TBL1X: variants seen among roughly 807,000 people sequenced by gnomAD.
TBL1X encodes F-box-like/WD repeat-containing protein TBL1X.
Under a neutral mutation model 50.7 loss-of-function variants are expected in TBL1X, and 10 were observed. The ratio of observed to expected loss-of-function variants is 0.20; its 90% CI spans 0.12 to 0.33. The LOEUF is 0.33. TBL1X is among the 10% of genes least tolerant of loss of function. The probability of loss-of-function intolerance (pLI) is 1.00; values close to 1 mark genes in which losing one functional copy is unlikely to be tolerated. For synonymous variants in TBL1X, 190 were observed against 214.7 expected, an observed-to-expected ratio of 0.88 and a Z score of 1.01; for missense variants, 340 against 504.4, an observed-to-expected ratio of 0.67 and a Z score of 3.12.
chrX:9,592,775 A>C (rs1486774296), intron 2 of TBL1X, among the ~76,000 whole-genome samples: 1 of 111,970 alleles, frequency 8.9e-6, no homozygotes, highest in African/African-American at 3.3e-5. Context: ...TTCAAAGTCC[A>C]TCCGTGTTAT....
chrX:9,693,121 T>C, intron 9 of TBL1X, 28 bp from the exon 10 acceptor site: 1 of 1,210,171 alleles, frequency 8.3e-7, no homozygotes, highest in Non-Finnish European at 1.1e-6. Flanking sequence ...GTTGTTTTTG[T>C]GGGGTTTTGT....
At chrX:9,474,643 C>T (rs1201481461) in intron 1 of TBL1X, among the ~76,000 whole-genome samples, 2 of 112,958 alleles carry the variant, frequency 1.8e-5, no homozygotes, top group African/African-American at 6.4e-5. Flanking sequence ...CACAAGGAAA[C>T]CTTGGAACAA....
chrX:9,696,458 G>A (rs1319813197), intron 11 of TBL1X, among the ~76,000 whole-genome samples: 1 of 112,819 alleles, frequency 8.9e-6, no homozygotes, highest in Non-Finnish European at 1.9e-5. Context: ...AATTCCAGTT[G>A]ATGAAGACGT....
At chrX:9,683,572 C>T (rs770317125) in intron 5 of TBL1X, among the ~76,000 whole-genome samples, 3 of 111,523 alleles carry the variant, frequency 2.7e-5, no homozygotes, top group South Asian at 7.6e-4. Context: ...TCAGGGTCAG[C>T]GTTTGCTGTT....
chrX:9,470,267 A>G (rs1296487205), intron 1 of TBL1X, among the ~76,000 whole-genome samples: 2 of 112,278 alleles, frequency 1.8e-5, no homozygotes, highest in African/African-American at 3.2e-5. Flanking sequence ...TCTTTTAGTT[A>G]TTTGCTCTTT....
intron 15 of TBL1X, among the ~76,000 whole-genome samples, chrX:9,710,275 C>T (rs946393184): frequency 9.3e-6 from 1 of 107,950 alleles, no homozygotes; most frequent in African/African-American, 3.4e-5. Context: ...GACTGCAGAG[C>T]CACAGTTGAG....
chrX:9,559,902 A>G (rs751081144), intron 2 of TBL1X, among the ~76,000 whole-genome samples: 1 of 112,463 alleles, frequency 8.9e-6, no homozygotes, highest in South Asian at 3.7e-4. Context: ...AAATATCTGC[A>G]GCCTTTTTTG....
intron 1 of TBL1X, among the ~76,000 whole-genome samples, chrX:9,491,425 C>T (rs1341884242): frequency 2.0e-5 from 2 of 100,248 alleles, no homozygotes; most frequent in Non-Finnish European, 4.0e-5. Context: ...ACTGCAGCCT[C>T]GACCTCCCAG....
chrX:9,660,253 C>T (rs1467684447), intron 5 of TBL1X, among the ~76,000 whole-genome samples: 1 of 112,570 alleles, frequency 8.9e-6, no homozygotes, highest in Non-Finnish European at 1.9e-5. Flanking sequence ...GTCCACACAC[C>T]ACCAGGAACA....
chrX:9,629,874 A>G (rs1363812052), intron 2 of TBL1X, among the ~76,000 whole-genome samples: 7 of 110,761 alleles, frequency 6.3e-5, no homozygotes, highest in African/African-American at 1.3e-4. Context: ...CGCCGGTTGT[A>G]TGGGAGTGAG....
At chrX:9,706,703 CCTT>C (rs1399150482) in intron 13 of TBL1X, among the ~76,000 whole-genome samples, 1 of 111,759 alleles carries the variant, frequency 8.9e-6, no homozygotes, top group Non-Finnish European at 1.9e-5. Flanking sequence ...TGGTCTCTAA[CCTT>C]CTGCAATCTC....
At chrX:9,692,532 C>T (rs757092427) in intron 9 of TBL1X, among the ~76,000 whole-genome samples, 2 of 112,376 alleles carry the variant, frequency 1.8e-5, no homozygotes, top group East Asian at 2.8e-4. Flanking sequence ...CTCAGCTTCC[C>T]GAATAGCTGG....
At chrX:9,595,246 A>T (rs1266377328) in intron 2 of TBL1X, among the ~76,000 whole-genome samples, 9 of 111,367 alleles carry the variant, frequency 8.1e-5, no homozygotes, top group Non-Finnish European at 1.7e-4. Context: ...GCCCTCTCTA[A>T]CAGAGGGAGA....
At chrX:9,551,501 A>G (rs748931832) in intron 2 of TBL1X, among the ~76,000 whole-genome samples, 5 of 111,384 alleles carry the variant, frequency 4.5e-5, no homozygotes, top group African/African-American at 1.6e-4. Flanking sequence ...CCCAATTTTT[A>G]GTGCAGCGTA....
intron 2 of TBL1X, among the ~76,000 whole-genome samples, chrX:9,605,074 TCTC>T (rs1408728644): frequency 9.0e-6 from 1 of 110,625 alleles, no homozygotes; most frequent in Non-Finnish European, 1.9e-5. Context: ...TGGAATGTCA[TCTC>T]CTGGTGGTGG....
intron 5 of TBL1X, among the ~76,000 whole-genome samples, chrX:9,681,584 C>T (rs2083026112): frequency 8.9e-6 from 1 of 112,416 alleles, no homozygotes; most frequent in Non-Finnish European, 1.9e-5. Context: ...TTCTGTGGCC[C>T]AGTGCTGCTT....
chrX:9,704,477 C>T lies in TBL1X; in HGVS notation c.1115-516C>T, dbSNP rs1004473054. Among the ~76,000 whole-genome samples the T allele has an allele frequency of 5.4e-5, 6 of 111,632 alleles. No individual in the cohort carries two copies. The South Asian group carries it at 1.1e-3, about 21-fold the overall frequency. ...AGGCTGTGGGGTGCAAGAAGTGTCA[C>T]GGAGCCTCTCTCCCAGGACATCTTG... On this transcript the variant is annotated intron_variant, in intron 12 of 17. Transcript: ENST00000645353.
intron 2 of TBL1X, among the ~76,000 whole-genome samples, chrX:9,557,382 G>A (rs772935249): frequency 4.8e-4 from 54 of 111,800 alleles, no homozygotes; most frequent in African/African-American, 1.6e-3. Context: ...AGGGGAAACA[G>A]GCGGTCAGAG....
chrX:9,554,819 C>T (rs1344476323), intron 2 of TBL1X, among the ~76,000 whole-genome samples: 1 of 111,662 alleles, frequency 9.0e-6, no homozygotes, highest in Non-Finnish European at 1.9e-5. Context: ...AGTAAATTTA[C>T]AGAGTTGTAC....
Sources: gnomAD v4.1 joint callset for allele counts (sites outside exome capture counted in the v4.1 genomes callset) on GRCh38, gnomAD v4.1.1 for gene constraint, MANE v1.5 for transcripts, NCBI Gene and HGNC (gene_info 2026-07-23, HGNC 2026-07-21) for gene names.